Variants in ACOXL observed in about 807,000 individuals in gnomAD.
The protein encoded by ACOXL is acyl-CoA oxidase like.
Under a neutral mutation model 71.9 loss-of-function variants are expected in ACOXL, and 70 were observed. That is an observed-to-expected ratio of 0.97 (90% CI 0.80 to 1.19). The LOEUF (loss-of-function observed/expected upper bound fraction) is 1.19, where lower values mean the gene tolerates loss of function less well. ACOXL is among the 50% of genes most tolerant of loss of function. ACOXL has a pLI of 0.00. For missense variants in ACOXL, 703 were observed against 736.3 expected (o/e 0.95, Z 0.52); for synonymous variants, 253 against 281.6 (o/e 0.90, Z 1.02).
At chr2:110,842,090 G>T (rs1026446473) in intron 10 of ACOXL, among the ~76,000 whole-genome samples, 3 of 152,154 alleles carry the variant, frequency 2.0e-5, no homozygotes, top group Admixed American at 6.5e-5. Context: ...GGGGATGTCT[G>T]CTCAGCTGCC....
rs1190170969 is a variant in ACOXL at position 110,805,370 on chromosome 2, C to G, written c.728C>G (p.Ala243Gly). 6.2e-7 allele frequency: 1 copy of G among 1,614,220 alleles called. No homozygotes were observed. The highest frequency in any genetic ancestry group is 1.7e-5 in the Admixed American group (1 of 60,030). Residue 243 changes from alanine to glycine, a missense_variant, in exon 9 of 18, where the codon GCT becomes GGT. Ala to Gly is a moderately conservative substitution (Grantham distance 60). Transcript: ENST00000439055. ...AALTPSRLAV[A>G]FQAMGAMKLG... is the part of the protein sequence containing the mutation. ...CTGACCCCTTCGAGATTAGCTGTGG[C>G]TTTCCAAGCTATGGGTGCCATGAAG... is the stretch of plus-strand genomic sequence containing the variant.
intron 14 of ACOXL, among the ~76,000 whole-genome samples, chr2:111,029,683 C>G (rs1379974576): frequency 6.6e-6 from 1 of 152,142 alleles, no homozygotes; most frequent in Non-Finnish European, 1.5e-5. Flanking sequence ...TTCTTCCTGC[C>G]TGGGGCGGGT....
intron 10 of ACOXL, among the ~76,000 whole-genome samples, chr2:110,870,333 C>A (rs918526190): frequency 6.8e-6 from 1 of 146,784 alleles, no homozygotes; most frequent in African/African-American, 2.5e-5. Flanking sequence ...TCAAGGGAAG[C>A]CCTAGACTTT....
chr2:111,102,646 C>CA (rs11327626), intron 17 of ACOXL, among the ~76,000 whole-genome samples: 37 of 143,506 alleles, frequency 2.6e-4, no homozygotes, highest in Admixed American at 1.6e-3. Context: ...CCATGTTGCA[C>CA]AAAAAAAAAA....
chr2:111,006,221 G>T (rs2063864624), intron 14 of ACOXL, among the ~76,000 whole-genome samples: 1 of 152,212 alleles, frequency 6.6e-6, no homozygotes, highest in Non-Finnish European at 1.5e-5. Flanking sequence ...CTGTGCAAAG[G>T]TCACCTCGTG....
chr2:111,108,080 T>G, intron 17 of ACOXL, among the ~76,000 whole-genome samples: 1 of 152,194 alleles, frequency 6.6e-6, no homozygotes, highest in East Asian at 1.9e-4. Flanking sequence ...AGGGAAAGAG[T>G]TGACCTTTCT....
chr2:111,116,912 A>G (rs529199437), intron 17 of ACOXL, among the ~76,000 whole-genome samples: 5 of 152,104 alleles, frequency 3.3e-5, no homozygotes, highest in African/African-American at 4.8e-5. Flanking sequence ...TCCCTCTCCT[A>G]TCCGCCGGGA....
intron 11 of ACOXL, among the ~76,000 whole-genome samples, chr2:110,927,099 C>T (rs2060299871): frequency 6.6e-6 from 1 of 152,056 alleles, no homozygotes; most frequent in African/African-American, 2.4e-5. Context: ...TGGTGGAAGG[C>T]AAAGGGGAAG....
In ACOXL at chr2:111,074,551, G is replaced by GT. The variant is rs922703928; in HGVS notation, c.1441-18305dup. On this transcript the variant is annotated intron_variant, in intron 16 of 17. Transcript: ENST00000439055. ...TTCTGCATCAATTGATATGATTATG[G>GT]TTTTTTTTTCTTTTTTAGGTTGTTA... Among the ~76,000 whole-genome samples, 112 of 150,346 alleles carry GT rather than the reference G, an allele frequency of 7.4e-4. No homozygotes were observed. In the East Asian group the frequency reaches 0.011, roughly 15 times the overall value.
chr2:110,990,688 A>G (rs1038168918), intron 13 of ACOXL, among the ~76,000 whole-genome samples: 1 of 152,196 alleles, frequency 6.6e-6, no homozygotes, highest in Non-Finnish European at 1.5e-5. Context: ...AAGCTTATAC[A>G]TTTTAAATGT....
intron 9 of ACOXL, among the ~76,000 whole-genome samples, chr2:110,807,181 C>T (rs1031242460): frequency 6.6e-6 from 1 of 152,196 alleles, no homozygotes; most frequent in Admixed American, 6.5e-5. Flanking sequence ...GCAGGAAAGC[C>T]CTGGGCTCAG....
At position 110,872,051 on chromosome 2, in the gene ACOXL, C is replaced by G. The variant is rs80099752; in HGVS notation, c.788+30646C>G. 3.8e-3 allele frequency among the ~76,000 whole-genome samples: 582 copies of G among 152,342 alleles called. 8 individuals carry two copies. The highest frequency in any genetic ancestry group is 0.014 in the African/African-American group (564 of 41,588). ...ATGTTGTCATTAGGGGTTGTTCACA[C>G]AAGCTGCATGGCAGCTGGGAGCTCA... On this transcript the variant is annotated intron_variant, in intron 10 of 17. Transcript: ENST00000439055.
chr2:111,108,393 T>C (rs2069702533), intron 17 of ACOXL, among the ~76,000 whole-genome samples: 2 of 146,972 alleles, frequency 1.4e-5, no homozygotes. Flanking sequence ...TTTTTTTTTT[T>C]TGGAGACAGA....
intron 12 of ACOXL, among the ~76,000 whole-genome samples, chr2:110,943,773 C>A (rs1272935440): frequency 6.6e-6 from 1 of 152,028 alleles, no homozygotes; most frequent in Admixed American, 6.5e-5. Flanking sequence ...CCGTAGCAGA[C>A]ACAGCATATT....
chr2:110,950,270 G>A (rs1383040292), intron 12 of ACOXL, among the ~76,000 whole-genome samples: 2 of 152,076 alleles, frequency 1.3e-5, no homozygotes, highest in African/African-American at 4.8e-5. Flanking sequence ...TGTCATCTTT[G>A]TGAGTGTCCT....
chr2:110,855,346 A>G (rs1693103946), intron 10 of ACOXL, among the ~76,000 whole-genome samples: 1 of 152,210 alleles, frequency 6.6e-6, no homozygotes, highest in South Asian at 2.1e-4. Flanking sequence ...TTTTAGAGAT[A>G]AGGGCACTAA....
chr2:110,902,424 T>G (rs1263538764), intron 10 of ACOXL, among the ~76,000 whole-genome samples: 1 of 152,178 alleles, frequency 6.6e-6, no homozygotes, highest in Non-Finnish European at 1.5e-5. Context: ...GTGCTGAGAT[T>G]GTACCACTAT....
intron 2 of ACOXL, among the ~76,000 whole-genome samples, chr2:110,771,441 C>T (rs532327744): frequency 2.6e-5 from 4 of 152,186 alleles, no homozygotes; most frequent in Admixed American, 2.6e-4. Context: ...GTGGATGATC[C>T]GATGAGCTCT....
intron 1 of ACOXL, among the ~76,000 whole-genome samples, chr2:110,741,637 A>G (rs528343200): frequency 1.8e-4 from 27 of 152,330 alleles, no homozygotes; most frequent in Non-Finnish European, 3.1e-4. Context: ...TCATTTCTTG[A>G]GAAGTGCTGG....
Sources: allele counts gnomAD v4.1 joint callset (sites outside exome capture counted in the v4.1 genomes callset), GRCh38; gene constraint gnomAD v4.1.1; transcripts MANE v1.5; gene names NCBI Gene and HGNC (gene_info 2026-07-23, HGNC 2026-07-21).